The following ANO10 variants were observed in gnomAD, a reference collection of about 807,000 sequenced individuals.
The protein encoded by ANO10 is anoctamin-10.
ANO10 carries 77 observed loss-of-function variants against 74.7 expected under a neutral mutation model. The observed-to-expected ratio is 1.03, with a 90% confidence interval of 0.86 to 1.25. The LOEUF is 1.25. Among genes scored for constraint, ANO10 ranks in the 50% most tolerant of loss-of-function variants. The pLI is 0.00. For synonymous variants in ANO10, 279 were observed against 284.9 expected, an observed-to-expected ratio of 0.98 and a Z score of 0.21; for missense variants, 721 against 778.1, an observed-to-expected ratio of 0.93 and a Z score of 0.87.
intron 1 of ANO10, among the ~76,000 whole-genome samples, chr3:43,643,689 T>C (rs980591901): frequency 4.1e-5 from 6 of 147,620 alleles, no homozygotes; most frequent in African/African-American, 7.7e-5. Flanking sequence ...TTTTCTTTTT[T>C]TTTTTTTTTT....
At chr3:43,464,513 C>G (rs1167012931) in intron 11 of ANO10, among the ~76,000 whole-genome samples, 1 of 151,958 alleles carries the variant, frequency 6.6e-6, no homozygotes. Context: ...GACCCTGCAG[C>G]TACAAAAAAT....
At chr3:43,652,703 G>A (rs182029488) in intron 1 of ANO10, among the ~76,000 whole-genome samples, 1 of 152,154 alleles carries the variant, frequency 6.6e-6, no homozygotes, top group Non-Finnish European at 1.5e-5. Context: ...CTAGAAGAAA[G>A]TATAGTTGAA....
intron 10 of ANO10, 67 bp downstream of exon 10, chr3:43,555,211 T>C (rs1045657260): frequency 7.8e-6 from 12 of 1,531,376 alleles, no homozygotes; most frequent in Admixed American, 5.1e-5. Context: ...TTTTTAATTT[T>C]TTTTCCCTGT....
intron 1 of ANO10, among the ~76,000 whole-genome samples, chr3:43,606,781 T>C (rs1237663167): frequency 1.3e-5 from 2 of 151,956 alleles, no homozygotes; most frequent in South Asian, 4.2e-4. Flanking sequence ...AAACTACACA[T>C]CCTCAAAGTG....
chr3:43,592,015 G>C (rs1440034483), intron 4 of ANO10, among the ~76,000 whole-genome samples: 1 of 152,224 alleles, frequency 6.6e-6, no homozygotes, highest in African/African-American at 2.4e-5. Flanking sequence ...ACAGCAGTCT[G>C]AGATCGAACT....
At chr3:43,441,204 A>T (rs2093153808) in intron 11 of ANO10, among the ~76,000 whole-genome samples, 1 of 127,134 alleles carries the variant, frequency 7.9e-6, no homozygotes, top group East Asian at 2.5e-4. Context: ...AAATAAACAG[A>T]CTAGAAAAAC....
At chr3:43,630,630 T>C (rs886473616) in intron 1 of ANO10, among the ~76,000 whole-genome samples, 1 of 152,188 alleles carries the variant, frequency 6.6e-6, no homozygotes, top group Admixed American at 6.5e-5. Flanking sequence ...CAGTGGTTGT[T>C]ACCTCTGCCT....
At chr3:43,544,225 T>C (rs922951467) in intron 11 of ANO10, among the ~76,000 whole-genome samples, 2 of 152,204 alleles carry the variant, frequency 1.3e-5, no homozygotes, top group African/African-American at 4.8e-5. Flanking sequence ...CTGAACTTTA[T>C]GACACCGCCA....
At chr3:43,638,399 CT>C (rs1461538820) in intron 1 of ANO10, among the ~76,000 whole-genome samples, 1 of 152,042 alleles carries the variant, frequency 6.6e-6, no homozygotes, top group Non-Finnish European at 1.5e-5. Context: ...ATAATTACCC[CT>C]ATTAAAGCAT....
intron 11 of ANO10, among the ~76,000 whole-genome samples, chr3:43,546,879 G>A (rs2079217747): frequency 6.6e-6 from 1 of 152,112 alleles, no homozygotes; most frequent in South Asian, 2.1e-4. Flanking sequence ...AGTACTTGAA[G>A]AAATAACGGC....
chr3:43,524,583 G>A (rs2078108928), intron 11 of ANO10, among the ~76,000 whole-genome samples: 1 of 152,152 alleles, frequency 6.6e-6, no homozygotes, highest in South Asian at 2.1e-4. Flanking sequence ...AAAGGGGGAA[G>A]GAAAGGGAAC....
At chr3:43,384,607 G>T (rs2092064302) in intron 12 of ANO10, among the ~76,000 whole-genome samples, 1 of 152,104 alleles carries the variant, frequency 6.6e-6, no homozygotes, top group Non-Finnish European at 1.5e-5. Context: ...ACAGAATCCA[G>T]AAATAAAGCC....
chr3:43,400,707 G>A (rs779799279), intron 12 of ANO10, among the ~76,000 whole-genome samples: 1 of 152,156 alleles, frequency 6.6e-6, no homozygotes. Flanking sequence ...TTGGGCCCGG[G>A]AGTCTAAGGC....
intron 12 of ANO10, among the ~76,000 whole-genome samples, chr3:43,404,899 C>A (rs1185727389): frequency 1.2e-4 from 17 of 141,374 alleles, no homozygotes; most frequent in Admixed American, 3.5e-4. Flanking sequence ...AAAAAAACCA[C>A]CAAAAAACAG....
chr3:43,407,676 A>G (rs1400540833), intron 12 of ANO10, among the ~76,000 whole-genome samples: 1 of 152,248 alleles, frequency 6.6e-6, no homozygotes, highest in Non-Finnish European at 1.5e-5. Context: ...AGAGATTACA[A>G]TGGAGCATGA....
chr3:43,661,622 A>G (rs970314450), intron 1 of ANO10, among the ~76,000 whole-genome samples: 5 of 152,224 alleles, frequency 3.3e-5, no homozygotes, highest in African/African-American at 1.2e-4. Context: ...AATTGGATAA[A>G]GAGTCAAGAC....
intron 11 of ANO10, among the ~76,000 whole-genome samples, chr3:43,484,408 C>T (rs892918515): frequency 2.0e-5 from 3 of 152,128 alleles, no homozygotes; most frequent in African/African-American, 7.2e-5. Context: ...CCCAGAAAGA[C>T]CTAGAAAGGG....
At chr3:43,662,928 A>G (rs2149573719) in intron 1 of ANO10, among the ~76,000 whole-genome samples, 1 of 152,292 alleles carries the variant, frequency 6.6e-6, no homozygotes, top group East Asian at 1.9e-4. Flanking sequence ...AAAGTTCAAG[A>G]CCAGACAGAT....
chr3:43,396,928 T>C (rs1575660467), intron 12 of ANO10, among the ~76,000 whole-genome samples: 1 of 152,000 alleles, frequency 6.6e-6, no homozygotes, highest in Non-Finnish European at 1.5e-5. Flanking sequence ...GTCTCAGGCA[T>C]TGTAGTTTTT....
Sources: allele counts gnomAD v4.1 joint callset (sites outside exome capture counted in the v4.1 genomes callset), GRCh38; gene constraint gnomAD v4.1.1; transcripts MANE v1.5; gene names NCBI Gene and HGNC (gene_info 2026-07-23, HGNC 2026-07-21).